PTPRT: variants seen among roughly 807,000 people sequenced by gnomAD.
PTPRT encodes protein tyrosine phosphatase receptor type T.
PTPRT carries 56 observed loss-of-function variants against 176.8 expected under a neutral mutation model. The ratio of observed to expected loss-of-function variants is 0.32; its 90% CI spans 0.26 to 0.40. PTPRT has a LOEUF of 0.40. Ranked by LOEUF, PTPRT falls within the 10% of genes least tolerant of loss-of-function variation. The pLI is 1.00. For synonymous variants in PTPRT, 783 were observed against 739.0 expected (o/e 1.06, Z -0.96); for missense variants, 1,540 against 1,908.2 (o/e 0.81, Z 3.60).
intron 7 of PTPRT, among the ~76,000 whole-genome samples, chr20:42,500,679 C>T (rs1232080011): frequency 6.6e-6 from 1 of 152,036 alleles, no homozygotes; most frequent in Non-Finnish European, 1.5e-5. Context: ...GTTTTCAAGG[C>T]AATGTTTTCA....
chr20:42,678,218 C>G (rs2075542121), intron 6 of PTPRT, 59 bp from the exon 7 acceptor site: 5 of 1,506,078 alleles, frequency 3.3e-6, no homozygotes, highest in Non-Finnish European at 9.1e-7. Context: ...GAGCAGACTA[C>G]AAGCACATGA....
intron 15 of PTPRT, among the ~76,000 whole-genome samples, chr20:42,233,876 T>C (rs1299915205): frequency 6.6e-6 from 1 of 152,224 alleles, no homozygotes; most frequent in Non-Finnish European, 1.5e-5. Context: ...TCTGCACCAA[T>C]TGAAAGGCCT....
chr20:42,101,103 A>C (rs1429196111), intron 26 of PTPRT, among the ~76,000 whole-genome samples: 1 of 152,200 alleles, frequency 6.6e-6, no homozygotes, highest in Admixed American at 6.5e-5. Context: ...GGCTAGATGG[A>C]TGTGAACTCA....
chr20:42,620,712 G>C (rs921288120), intron 7 of PTPRT, among the ~76,000 whole-genome samples: 3 of 152,168 alleles, frequency 2.0e-5, no homozygotes, highest in African/African-American at 2.4e-5. Context: ...TTCCAGGTGC[G>C]TCAGTCACCC....
intron 27 of PTPRT, among the ~76,000 whole-genome samples, chr20:42,091,122 G>C (rs1984571626): frequency 6.6e-6 from 1 of 152,196 alleles, no homozygotes; most frequent in Admixed American, 6.5e-5. Flanking sequence ...AAAAAACAGA[G>C]GGGACTTTTG....
intron 7 of PTPRT, among the ~76,000 whole-genome samples, chr20:42,593,138 T>C (rs190706154): frequency 5.9e-5 from 9 of 152,278 alleles, no homozygotes; most frequent in Admixed American, 2.0e-4. Flanking sequence ...TTTGCATGAC[T>C]TTGGTCTCAA....
chr20:43,134,961 T>G (rs563921189), intron 1 of PTPRT, among the ~76,000 whole-genome samples: 2 of 152,158 alleles, frequency 1.3e-5, no homozygotes, highest in Non-Finnish European at 2.9e-5. Context: ...CCTCAACCTG[T>G]TCACGCCAGT....
intron 2 of PTPRT, among the ~76,000 whole-genome samples, chr20:42,855,579 G>A (rs2078548693): frequency 1.4e-5 from 2 of 145,236 alleles, no homozygotes; most frequent in Non-Finnish European, 3.0e-5. Context: ...TCACAGGAGT[G>A]CGCCACCACA....
intron 11 of PTPRT, among the ~76,000 whole-genome samples, chr20:42,344,243 T>C (rs964572058): frequency 6.6e-6 from 1 of 152,186 alleles, no homozygotes; most frequent in Non-Finnish European, 1.5e-5. Flanking sequence ...ATTTACACAG[T>C]TTAGCTTATT....
intron 7 of PTPRT, among the ~76,000 whole-genome samples, chr20:42,668,750 G>A (rs2075361512): frequency 6.6e-6 from 1 of 151,472 alleles, no homozygotes; most frequent in African/African-American, 2.4e-5. Context: ...GGAGTACAGT[G>A]GCACAATCTC....
At chr20:43,148,578 A>C (rs1568812984) in intron 1 of PTPRT, among the ~76,000 whole-genome samples, 1 of 152,222 alleles carries the variant, frequency 6.6e-6, no homozygotes, top group Non-Finnish European at 1.5e-5. Context: ...TCACAGACTT[A>C]AATTATGCTC....
At chr20:43,065,220 G>A (rs180718759) in intron 1 of PTPRT, among the ~76,000 whole-genome samples, 5 of 152,226 alleles carry the variant, frequency 3.3e-5, no homozygotes, top group Admixed American at 6.5e-5. Flanking sequence ...TTTTCTCTGC[G>A]TTCATGCCAC....
rs931821109 is a variant in PTPRT, at chr20:42,350,522, C to T, written c.1865+106G>A. The T allele has an allele frequency of 2.8e-5, 27 of 974,816 alleles. 1 individual carries two copies. The highest frequency in any genetic ancestry group is 1.8e-4 in the Admixed American group (10 of 55,106). The allele number at this position is 974,816 out of a possible 1,614,324, so 60.4% of individuals were successfully genotyped here. Reference sequence around the variant, plus strand: ...CTCCTTCCTCCGAGGAAGCTTTGTTCCTGGCCAGTCTTGCCCATGGGCATT... The same window carrying T: ...CTCCTTCCTCCGAGGAAGCTTTGTTTCTGGCCAGTCTTGCCCATGGGCATT... On this transcript the variant is annotated intron_variant, in intron 11 of 30. Coordinates refer to ENST00000373187, the MANE Select transcript of PTPRT (RefSeq NM_007050.6).
rs966580672 is a variant in PTPRT, at chr20:42,762,547, C to T, written c.685-5911G>A. Reference sequence around the variant, plus strand: ...GCACCAACAGTGCCCAGCTAAGAGGCGGGAGTTGTGGCCCCCAAACCCAAC... The same window carrying T: ...GCACCAACAGTGCCCAGCTAAGAGGTGGGAGTTGTGGCCCCCAAACCCAAC... On this transcript the variant is annotated intron_variant, in intron 5 of 30. Coordinates refer to ENST00000373187, the MANE Select transcript of PTPRT (RefSeq NM_007050.6). Among the ~76,000 whole-genome samples the T allele has an allele frequency of 2.0e-5, 3 of 152,224 alleles. No individual in the cohort carries two copies. In the East Asian group the frequency reaches 5.8e-4, roughly 29 times the overall value.
chr20:42,650,359 C>T (rs2075007523), intron 7 of PTPRT, among the ~76,000 whole-genome samples: 1 of 152,136 alleles, frequency 6.6e-6, no homozygotes, highest in Non-Finnish European at 1.5e-5. Flanking sequence ...GCAGTATCCT[C>T]CCTCCCTCAA....
chr20:43,093,133 C>T (rs1308562989), intron 1 of PTPRT, among the ~76,000 whole-genome samples: 1 of 152,164 alleles, frequency 6.6e-6, no homozygotes, highest in East Asian at 1.9e-4. Context: ...ATTATTTACA[C>T]AAAAACAAAC....
At chr20:42,279,614 G>A (rs1055062760) in intron 13 of PTPRT, among the ~76,000 whole-genome samples, 28 of 152,164 alleles carry the variant, frequency 1.8e-4, no homozygotes, top group African/African-American at 5.3e-4. Context: ...CTTTGCAACC[G>A]TCCAAGCTGG....
intron 10 of PTPRT, among the ~76,000 whole-genome samples, chr20:42,351,816 A>C (rs2058288620): frequency 6.6e-6 from 1 of 152,256 alleles, no homozygotes; most frequent in Admixed American, 6.5e-5. Context: ...AATATACATT[A>C]TCTACACACA....
At chr20:42,607,471 G>A (rs1426202039) in intron 7 of PTPRT, 3 of 152,144 alleles carry the variant, frequency 2.0e-5, no homozygotes, top group Non-Finnish European at 4.4e-5. Flanking sequence ...TGAACGGAAT[G>A]ACCACTGGGA....
Sources: gnomAD v4.1 joint callset for allele counts (sites outside exome capture counted in the v4.1 genomes callset) on GRCh38, gnomAD v4.1.1 for gene constraint, MANE v1.5 for transcripts, NCBI Gene and HGNC (gene_info 2026-07-23, HGNC 2026-07-21) for gene names.